MED24: variants seen among roughly 807,000 people sequenced by gnomAD.
MED24 encodes the protein mediator of RNA polymerase II transcription subunit 24.
MED24 carries 74 observed loss-of-function variants against 118.8 expected under a neutral mutation model. The observed-to-expected ratio is 0.62, with a 90% CI of 0.52 to 0.76. The LOEUF (loss-of-function observed/expected upper bound fraction) is 0.76. MED24 is among the 30% of genes least tolerant of loss of function. The pLI is 0.00. For missense variants in MED24, 1,041 were observed against 1,278.9 expected, an observed-to-expected ratio of 0.81 and a Z score of 2.84; for synonymous variants, 521 against 523.9, an observed-to-expected ratio of 0.99 and a Z score of 0.08.
At position 40,022,864 on chromosome 17, in the gene MED24, G is replaced by A. The variant is rs750498152; in HGVS notation, c.2251-38C>T. 6 of 1,603,182 alleles carry A rather than the reference G, an allele frequency of 3.7e-6. No individual in the cohort carries two copies. In the South Asian group the frequency reaches 5.5e-5, roughly 15 times the overall value. On this transcript the variant is annotated intron_variant, in intron 20 of 25. Coordinates refer to ENST00000394128, the MANE Select transcript of MED24 (RefSeq NM_014815.4). Reference sequence around the variant, plus strand: ...AAAGGGGGCAGTTCAGGAGCCAGGGGCCCGGGATCTGGGGCTCCTACACCC... The same window carrying A: ...AAAGGGGGCAGTTCAGGAGCCAGGGACCCGGGATCTGGGGCTCCTACACCC...
Position 40,029,936 on chromosome 17 carries a change from C to G in MED24, c.1155-77G>C. 2.2e-6 allele frequency: 3 copies of G among 1,370,914 alleles called. No individual in the cohort carries two copies. The South Asian group carries it at 3.5e-5, about 16-fold the overall frequency. 84.9% of individuals were successfully genotyped at this position (1,370,914 alleles called of 1,614,324 possible). A position where few individuals can be genotyped will look rare whatever the true frequency, so the allele number is the denominator to read the frequency against. On this transcript the variant is annotated intron_variant, in intron 12 of 25. Coordinates refer to ENST00000394128, the MANE Select transcript of MED24 (RefSeq NM_014815.4). ...CTTGACACGTTCCCTCGTTCAAGCC[C>G]GGAAGGAAATGCGCAGAGGAGGTGG...
In MED24 at chr17:40,031,234, G is replaced by A; in HGVS notation, c.1079C>T (p.Thr360Ile). The change falls in exon 12 of 26, where the codon ACA becomes ATA. Residue 360 changes from threonine to isoleucine, a missense_variant. By Grantham distance (89) the Thr-to-Ile change is moderately conservative. Around this residue, in one of 3 missense-constraint regions of MED24, gnomAD observed 434 missense variants for 514.9 expected, o/e 0.84. Coordinates refer to ENST00000394128, the MANE Select transcript of MED24 (RefSeq NM_014815.4). ...GCCACATTCTTGGAGCAGGAAGTTT[G>A]TACAGTCACAGCTGTGAGGGAGAAA... Reference protein sequence around the residue: ...KADQRCNCDCTNFLLQECGKQ... With the variant: ...KADQRCNCDCINFLLQECGKQ... 1 of 1,567,064 alleles carries A rather than the reference G, an allele frequency of 6.4e-7. No individual in the cohort carries two copies. The highest frequency in any genetic ancestry group is 8.7e-7 in the Non-Finnish European group (1 of 1,154,750).
chr17:40,041,439 A>G (rs1860167733), intron 3 of MED24, among the ~76,000 whole-genome samples: 1 of 152,176 alleles, frequency 6.6e-6, no homozygotes, highest in African/African-American at 2.4e-5. Context: ...TCTCTGCACA[A>G]TCTCATCCAT....
intron 18 of MED24, 60 bp from the exon 19 acceptor site, chr17:40,026,391 C>A (rs762528406): frequency 1.3e-6 from 2 of 1,577,242 alleles, no homozygotes; most frequent in South Asian, 1.1e-5. Context: ...GCCAACATCA[C>A]CTTCTCAGCC....
Position 40,019,906 on chromosome 17 carries a change from A to G in MED24, c.2732T>C (p.Ile911Thr), listed in dbSNP as rs1448233152. 8.9e-6 allele frequency: 14 copies of G among 1,570,900 alleles called. No homozygotes were observed. The highest frequency in any genetic ancestry group is 1.1e-5 in the Non-Finnish European group (13 of 1,157,250). ...LANLFLLISS[I>T]LGSRTAGPHT... ...GGGGCCAGCGGTGCGAGACCCCAGG[A>G]TGGAGGAGATGAGCAGGAACAGGTT... is the stretch of plus-strand genomic sequence containing the variant. The change falls in exon 25 of 26, where the codon ATC becomes ACC. Residue 911 changes from isoleucine (I) to threonine (T), a missense_variant. This residue lies in a region of MED24 where 587 missense variants were observed against 694.4 expected (regional missense o/e 0.85). Coordinates refer to ENST00000394128, the MANE Select transcript of MED24 (RefSeq NM_014815.4).
intron 19 of MED24, among the ~76,000 whole-genome samples, chr17:40,025,358 C>T (rs1016815591): frequency 2.6e-5 from 4 of 152,102 alleles, no homozygotes; most frequent in African/African-American, 7.2e-5. Flanking sequence ...GTCCCAGCTA[C>T]TCGGGAGGCT....
intron 23 of MED24, chr17:40,020,714 C>T: frequency 5.6e-6 from 2 of 358,756 alleles, no homozygotes; most frequent in South Asian, 4.2e-5. Context: ...CCTAGGAGAA[C>T]AAGGCTGCAG....
chr17:40,020,254 G>A lies in MED24; in HGVS notation c.2704+19C>T, dbSNP rs377766489. ...GTCCAGCTTAGCCCCAGGTTCGGCA[G>A]CAGGGGTGGGGAACTCACCCAGGAC... On this transcript the variant is annotated intron_variant, in intron 24 of 25. Coordinates refer to ENST00000394128, the MANE Select transcript of MED24 (RefSeq NM_014815.4). The A allele has an allele frequency of 4.0e-6, 6 of 1,500,504 alleles. No individual in the cohort carries two copies. In the Admixed American group the frequency reaches 1.4e-4, roughly 34 times the overall value. 92.9% of individuals were successfully genotyped at this position (1,500,504 alleles called of 1,614,324 possible). A position where few individuals can be genotyped will look rare whatever the true frequency, so the allele number is the denominator to read the frequency against.
At chr17:40,020,140 C>A (rs1981782380) in intron 24 of MED24, 133 bp downstream of exon 24, 37 of 1,072,730 alleles carry the variant, frequency 3.4e-5, no homozygotes, top group Middle Eastern at 2.9e-4. Flanking sequence ...GGACAGCCAA[C>A]AATGAGGGGC....
chr17:40,047,912 T>C (rs1985420716), intron 3 of MED24, among the ~76,000 whole-genome samples: 1 of 152,080 alleles, frequency 6.6e-6, no homozygotes, highest in African/African-American at 2.4e-5. Flanking sequence ...GTATATTTAG[T>C]AGAGACGGGG....
chr17:40,019,673 C>G, intron 25 of MED24, 28 bp from the exon 26 acceptor site: 1 of 1,580,430 alleles, frequency 6.3e-7, no homozygotes, highest in Non-Finnish European at 8.6e-7. Context: ...ATGCTGCTTG[C>G]GGGACGGCTG....
intron 23 of MED24, 134 bp downstream of exon 23, chr17:40,021,821 A>T: frequency 1.5e-6 from 1 of 652,728 alleles, no homozygotes; most frequent in Non-Finnish European, 2.7e-6. Context: ...CTTGGGGGCT[A>T]GAACAGCAGG....
In MED24 at chr17:40,031,917, C is replaced by T. The variant is rs138997746; in HGVS notation, c.984+126G>A. 6.0e-5 allele frequency: 67 copies of T among 1,114,870 alleles called. No homozygotes were observed. In the East Asian group the frequency reaches 1.2e-3, roughly 20 times the overall value. The allele number at this position is 1,114,870 out of a possible 1,614,324, so 69.1% of individuals were successfully genotyped here. A position where few individuals can be genotyped will look rare whatever the true frequency, so the allele number is the denominator to read the frequency against. On this transcript the variant is annotated intron_variant, in intron 10 of 25. Coordinates refer to ENST00000394128, the MANE Select transcript of MED24 (RefSeq NM_014815.4). ...GCATGCACATTGTGAAGCACGTGCA[C>T]GCTGAGGTGTACACTCACATCCGGC... is the stretch of plus-strand genomic sequence containing the variant.
chr17:40,046,891 A>C (rs1453364226), intron 3 of MED24, among the ~76,000 whole-genome samples: 1 of 152,106 alleles, frequency 6.6e-6, no homozygotes, highest in East Asian at 1.9e-4. Context: ...CCCCGTCCCT[A>C]CAAAAATGTA....
chr17:40,043,075 C>T (rs183088137), intron 3 of MED24, among the ~76,000 whole-genome samples: 13 of 152,280 alleles, frequency 8.5e-5, no homozygotes, highest in African/African-American at 2.9e-4. Context: ...CTCAGCCTCC[C>T]GAGTAGCTGG....
intron 3 of MED24, among the ~76,000 whole-genome samples, chr17:40,046,070 C>T (rs1054009903): frequency 3.3e-5 from 5 of 150,816 alleles, no homozygotes; most frequent in Admixed American, 3.3e-4. Context: ...AGCCATCACG[C>T]CCAGCCTCTA....
At chr17:40,022,537 TC>T in intron 21 of MED24, 53 bp from the exon 22 acceptor site, 1 of 1,595,174 alleles carries the variant, frequency 6.3e-7, no homozygotes, top group Non-Finnish European at 8.5e-7. Flanking sequence ...CCAGGAGCTT[TC>T]TGTGTCTGAC....
At chr17:40,026,409 G>C (rs910629918) in intron 18 of MED24, 78 bp from the exon 19 acceptor site, 2 of 1,524,082 alleles carry the variant, frequency 1.3e-6, no homozygotes, top group African/African-American at 2.7e-5. Context: ...GCCTCTGCGG[G>C]CAGCTAAGTG....
At chr17:40,046,943 C>CA (rs773342499) in intron 3 of MED24, among the ~76,000 whole-genome samples, 1 of 151,774 alleles carries the variant, frequency 6.6e-6, no homozygotes, top group South Asian at 2.1e-4. Context: ...CCCATCTTTA[C>CA]AAAAAAATTT....
Sources: gnomAD v4.1 joint callset for allele counts (sites outside exome capture counted in the v4.1 genomes callset) on GRCh38, gnomAD v4.1.1 for gene constraint, gnomAD v4.1.1 regional missense constraint, MANE v1.5 for transcripts, NCBI Gene and HGNC (gene_info 2026-07-23, HGNC 2026-07-21) for gene names.